CLN6: variants seen among roughly 807,000 people sequenced by gnomAD.
CLN6 encodes CLN6 transmembrane ER protein.
In CLN6, 22 loss-of-function variants were observed where a neutral mutation model predicts 33.3. The ratio of observed to expected loss-of-function variants is 0.66; its 90% confidence interval spans 0.47 to 0.94. The LOEUF is 0.94. Among genes scored for constraint, CLN6 ranks in the 40% least tolerant of loss-of-function variants. CLN6 has a pLI of 0.00. For synonymous variants in CLN6, 201 were observed against 174.6 expected (o/e 1.15, Z -1.19); for missense variants, 387 against 417.1 (o/e 0.93, Z 0.63).
In CLN6 at chr15:68,208,569, G is replaced by A. The variant is rs930335026; in HGVS notation, c.666-159C>T. ...ATGCCGCTCTAAGCCACAGCCCATGGGCAGCATATTGATTTAGCTGGTATA... is the reference window on the plus strand; with the variant it reads ...ATGCCGCTCTAAGCCACAGCCCATGAGCAGCATATTGATTTAGCTGGTATA... On this transcript the variant is annotated intron_variant, in intron 6 of 6. Coordinates refer to ENST00000249806, the MANE Select transcript of CLN6 (RefSeq NM_017882.3). The surrounding 1 kb of genome is among the most constrained non-coding windows in gnomAD (Gnocchi z 5.8). 1.3e-5 allele frequency among the ~76,000 whole-genome samples: 2 copies of A among 152,174 alleles called. No individual in the cohort carries two copies. Among genetic ancestry groups the A allele is most frequent in the Non-Finnish European group, 2.9e-5 (2 of 68,026 alleles).
intron 3 of CLN6, chr15:68,212,150 G>T: frequency 2.2e-6 from 1 of 460,116 alleles, no homozygotes; most frequent in Non-Finnish European, 4.0e-6. Context: ...CTGTAGGCTG[G>T]AGGGGACAGC....
chr15:68,236,285 T>C lies in CLN6; in HGVS notation c.180-17635A>G, dbSNP rs1286735327. ...AGGACCAAGAGCTCTGAAAAAAAAG[T>C]CCACAGAAAAACTTACAGATGAATG... On this transcript the variant is annotated intron_variant, in intron 1 of 6. Transcript: ENST00000538696. This position sits in a 1 kb window ranked among gnomAD's most constrained non-coding sequence, Gnocchi z 4.5. 6.6e-6 allele frequency among the ~76,000 whole-genome samples: 1 copy of C among 151,844 alleles called. No individual in the cohort carries two copies. The highest frequency in any genetic ancestry group is 1.5e-5 in the Non-Finnish European group (1 of 67,976).
At chr15:68,221,438 A>T (rs1026845237) in intron 1 of CLN6, among the ~76,000 whole-genome samples, 1 of 151,536 alleles carries the variant, frequency 6.6e-6, no homozygotes, top group Non-Finnish European at 1.5e-5. Context: ...CGCCGTGTTG[A>T]CCAGGCTGGT....
chr15:68,231,128 TTTA>T (rs1168474948), upstream of CLN6, among the ~76,000 whole-genome samples: 3 of 152,194 alleles, frequency 2.0e-5, no homozygotes, highest in Non-Finnish European at 4.4e-5. Flanking sequence ...GTTTATTGGA[TTTA>T]TTTCTTTCCC....
In CLN6 at chr15:68,211,897, C is replaced by G. The variant is rs763431994; in HGVS notation, c.298-34G>C. Reference sequence around the variant, plus strand: ...CAGAGTGGGGTTGGCAGCATGACCCCACCTCTGTCACAGTATGTGACACCC... The same window carrying G: ...CAGAGTGGGGTTGGCAGCATGACCCGACCTCTGTCACAGTATGTGACACCC... On this transcript the variant is annotated intron_variant, in intron 3 of 6. Transcript: ENST00000249806. This position sits in a 1 kb window ranked among gnomAD's most constrained non-coding sequence, Gnocchi z 5.9. 7 of 1,605,864 alleles carry G rather than the reference C, an allele frequency of 4.4e-6. No individual in the cohort carries two copies. The highest frequency in any genetic ancestry group is 5.1e-6 in the Non-Finnish European group (6 of 1,174,846).
intron 1 of CLN6, among the ~76,000 whole-genome samples, chr15:68,253,086 G>GT (rs1239195451): frequency 6.6e-6 from 1 of 152,196 alleles, no homozygotes; most frequent in East Asian, 1.9e-4. Flanking sequence ...GAGAGCTGTA[G>GT]TTTCCCTCTT....
chr15:68,228,909 A>T lies in CLN6; in HGVS notation c.83+593T>A, dbSNP rs2093259633. On this transcript the variant is annotated intron_variant, in intron 1 of 6. Transcript: ENST00000249806. The surrounding 1 kb of genome is among the most constrained non-coding windows in gnomAD (Gnocchi z 4.4). ...GGTAGAATGGAGCTCTGCTCGCCCA[A>T]CGAGATAAACCAAAAACTGAGAAGG... Among the ~76,000 whole-genome samples, 1 of 152,156 alleles carries T rather than the reference A, an allele frequency of 6.6e-6. No homozygotes were observed. The highest frequency in any genetic ancestry group is 1.5e-5 in the Non-Finnish European group (1 of 68,032).
Position 68,228,809 on chromosome 15 carries a change from G to A in CLN6, c.83+693C>T, listed in dbSNP as rs1414723907. Among the ~76,000 whole-genome samples the A allele has an allele frequency of 3.3e-5, 5 of 152,120 alleles. No homozygotes were observed. The highest frequency in any genetic ancestry group is 7.3e-5 in the Non-Finnish European group (5 of 68,030). ...CTACCCCCTTACTGCCTGGCACAGC[G>A]CTGGGCATACCACAGGCGCTTAAAG... On this transcript the variant is annotated intron_variant, in intron 1 of 6. Transcript: ENST00000249806. The surrounding 1 kb of genome is among the most constrained non-coding windows in gnomAD (Gnocchi z 4.4).
In CLN6 at chr15:68,209,853, A is replaced by G; in HGVS notation, c.543-94T>C. The G allele has an allele frequency of 6.4e-7, 1 of 1,553,108 alleles. No individual in the cohort carries two copies. Among genetic ancestry groups the G allele is most frequent in the South Asian group, 1.1e-5 (1 of 89,208 alleles). On this transcript the variant is annotated intron_variant, in intron 5 of 6. Transcript: ENST00000249806. The surrounding 1 kb of genome is among the most constrained non-coding windows in gnomAD (Gnocchi z 4.9). ...CTCCCATGGGGTCTCATGGAGTGCC[A>G]CGTCACAGTTTACAAAACGCCTAGC...
intron 2 of CLN6, among the ~76,000 whole-genome samples, chr15:68,215,915 G>T (rs2093219324): frequency 6.6e-6 from 1 of 152,156 alleles, no homozygotes. Flanking sequence ...AAAGGGGTAG[G>T]GAGAGTCTAA....
rs154774637 is a variant in CLN6, at chr15:68,208,364, A to G, written c.712T>C (p.Phe238Leu). ...GQIFILFIFT[F>L]FAMLALVLHQ... ...AGGACGAGGGCCAGCATGGCGAAGA[A>G]GGTGAAGATGAAGAGGATGAAGATC... The change falls in exon 7 of 7, where the codon TTC (phenylalanine) becomes CTC (leucine). Residue 238 changes from phenylalanine (F) to leucine (L), a missense_variant. Transcript: ENST00000249806. The surrounding 1 kb of genome is among the most constrained non-coding windows in gnomAD (Gnocchi z 5.8). 1 of 1,613,906 alleles carries G rather than the reference A, an allele frequency of 6.2e-7. No homozygotes were observed. Among genetic ancestry groups the G allele is most frequent in the Non-Finnish European group, 8.5e-7 (1 of 1,180,046 alleles).
rs138893482 is a variant in CLN6, at chr15:68,250,128, A to G, written c.179+6562T>C. Among the ~76,000 whole-genome samples the G allele has an allele frequency of 5.7e-4, 87 of 152,330 alleles. 2 individuals are homozygous for G. In the East Asian group the frequency reaches 0.013, roughly 22 times the overall value. ...TAATTCAAACGTTCCTAGCATAAAG[A>G]AAAGATAAATATTTAAGGTGACAGC... On this transcript the variant is annotated intron_variant, in intron 1 of 6. Transcript: ENST00000538696.
intron 1 of CLN6, among the ~76,000 whole-genome samples, chr15:68,249,875 C>A (rs181092088): frequency 6.6e-6 from 1 of 152,246 alleles, no homozygotes; most frequent in East Asian, 1.9e-4. Flanking sequence ...CGGGTTCAAG[C>A]GATTCTCCTG....
At chr15:68,251,580 C>T (rs1352561204) in intron 1 of CLN6, among the ~76,000 whole-genome samples, 1 of 152,038 alleles carries the variant, frequency 6.6e-6, no homozygotes, top group African/African-American at 2.4e-5. Flanking sequence ...GAGGCTGAGG[C>T]AGAAGAATCG....
intron 1 of CLN6, among the ~76,000 whole-genome samples, chr15:68,237,863 G>A (rs889832420): frequency 4.6e-5 from 7 of 152,194 alleles, no homozygotes; most frequent in Admixed American, 2.6e-4. Context: ...GGTGGCGCAC[G>A]CCTGTAATCC....
At chr15:68,235,759 C>A (rs1047939192) in intron 1 of CLN6, among the ~76,000 whole-genome samples, 1 of 151,940 alleles carries the variant, frequency 6.6e-6, no homozygotes, top group African/African-American at 2.4e-5. Flanking sequence ...AATGTACATG[C>A]TATTTGGGGT....
chr15:68,244,973 G>C (rs1892315429), intron 1 of CLN6, among the ~76,000 whole-genome samples: 2 of 145,094 alleles, frequency 1.4e-5, no homozygotes, highest in Admixed American at 7.2e-5. Context: ...AGAATCACTG[G>C]GTTGCAAGGA....
At chr15:68,212,921 G>A (rs191955774) in intron 3 of CLN6, 1 of 152,288 alleles carries the variant, frequency 6.6e-6, no homozygotes, top group East Asian at 1.9e-4. Flanking sequence ...GTACATATGT[G>A]TAGAATTTTC....
chr15:68,229,642 G>A lies in CLN6; in HGVS notation c.-58C>T, dbSNP rs960886562. The stretch of plus-strand genomic sequence containing the variant: ...CCGAGGAAGAGACCGGTTCAGCTCG[G>A]CTGCCCCGGCGGAGGCCGCCGCAAA... On this transcript the variant is annotated 5_prime_UTR_variant, in exon 1 of 7. Coordinates refer to ENST00000249806, the MANE Select transcript of CLN6 (RefSeq NM_017882.3). 5.2e-6 allele frequency: 7 copies of A among 1,349,240 alleles called. No individual in the cohort carries two copies. The highest frequency in any genetic ancestry group is 2.5e-4 in the Middle Eastern group (1 of 3,992). The allele number at this position is 1,349,240 out of a possible 1,614,324, so 83.6% of individuals were successfully genotyped here. A position where few individuals can be genotyped will look rare whatever the true frequency, so the allele number is the denominator to read the frequency against.
Sources: allele counts gnomAD v4.1 joint callset (sites outside exome capture counted in the v4.1 genomes callset), GRCh38; gene constraint gnomAD v4.1.1; non-coding constraint Gnocchi (gnomAD v3.1); transcripts MANE v1.5; gene names NCBI Gene and HGNC (gene_info 2026-07-23, HGNC 2026-07-21).